KRT73: variants seen among roughly 807,000 people sequenced by gnomAD.
KRT73 encodes keratin, type II cytoskeletal 73.
Under a neutral mutation model 47.2 loss-of-function variants are expected in KRT73, and 44 were observed. That is an observed-to-expected ratio of 0.93 (90% CI 0.73 to 1.20). KRT73 has a LOEUF of 1.20. KRT73 is among the 50% of genes most tolerant of loss of function. The pLI is 0.00. For missense variants in KRT73, 713 were observed against 704.5 expected, an observed-to-expected ratio of 1.01 and a Z score of -0.14; for synonymous variants, 285 against 291.3, an observed-to-expected ratio of 0.98 and a Z score of 0.22.
chr12:52,628,376 A>G, the KRT73 span, among the ~76,000 whole-genome samples: 1 of 144,738 alleles, frequency 6.9e-6, no homozygotes, highest in African/African-American at 2.5e-5. Context: ...TCACCCTCCC[A>G]GTCCCCATAG....
At chr12:52,619,170 G>A (rs868190197), upstream of KRT73, among the ~76,000 whole-genome samples, 64 of 152,222 alleles carry the variant, frequency 4.2e-4, 1 homozygote, top group African/African-American at 1.5e-3. Flanking sequence ...GGGCTGCCCT[G>A]CTCACCTTCC....
chr12:52,629,723 C>G, the KRT73 span, among the ~76,000 whole-genome samples: 2 of 152,336 alleles, frequency 1.3e-5, no homozygotes, highest in South Asian at 4.1e-4. Flanking sequence ...AGTAGATCCT[C>G]TCACGGGGCT....
At chr12:52,629,807 A>C in the KRT73 span, among the ~76,000 whole-genome samples, 2 of 152,212 alleles carry the variant, frequency 1.3e-5, no homozygotes, top group Admixed American at 6.5e-5. Flanking sequence ...TCAGCTGGGA[A>C]TCGCATCAAC....
chr12:52,620,109 C>CTTT (rs10638831), upstream of KRT73, among the ~76,000 whole-genome samples: 3,570 of 94,358 alleles, frequency 0.038, 237 homozygotes, highest in Admixed American at 0.1. Flanking sequence ...TCCTTTTTTT[C>CTTT]TTTTTTTTTT....
the KRT73 span, among the ~76,000 whole-genome samples, chr12:52,628,090 T>TA: frequency 0.71 from 108,323 of 151,932 alleles, 38,843 homozygotes; most frequent in African/African-American, 0.78. Flanking sequence ...GGCAACCCTT[T>TA]AAACAAAACA....
At chr12:52,613,028 A>T (rs1176413306) in intron 5 of KRT73, among the ~76,000 whole-genome samples, 1 of 152,166 alleles carries the variant, frequency 6.6e-6, no homozygotes, top group Admixed American at 6.5e-5. Context: ...AGACCTTGAA[A>T]GCCTCTCTCC....
chr12:52,616,281 G>A lies in KRT73; in HGVS notation c.547C>T (p.Leu183Phe). The A allele has an allele frequency of 6.2e-7, 1 of 1,614,200 alleles. No homozygotes were observed. The highest frequency in any genetic ancestry group is 8.5e-7 in the Non-Finnish European group (1 of 1,180,040). The change falls in exon 2 of 9, where the codon CTT (leucine) becomes TTT (phenylalanine). Residue 183 changes from leucine (L) to phenylalanine (F), a missense_variant. By Grantham distance (22) the Leu-to-Phe change is conservative. Transcript: ENST00000305748. ...NNCKNNLEPI[L>F]EGYISNLRKQ... ...CGCAGGTTGCTGATGTAGCCCTCAA[G>A]GATGGGCTCCAGGTTATTCTTGCAG...
intron 7 of KRT73, 60 bp downstream of exon 7, chr12:52,610,555 A>ACCCCCCCCCCCC: frequency 4.0e-6 from 1 of 247,316 alleles, no homozygotes; most frequent in Non-Finnish European, 7.9e-6. Context: ...CCCCAACCAC[A>ACCCCCCCCCCCC]CTCTGGGAAA....
At chr12:52,609,544 G>A (rs11609767) in intron 7 of KRT73, among the ~76,000 whole-genome samples, 28,021 of 152,128 alleles carry the variant, frequency 0.18, 2,749 homozygotes, top group Non-Finnish European at 0.23. Flanking sequence ...CTCCTGCAGG[G>A]TTTCTCTTGA....
intron 3 of KRT73, 159 bp from the exon 4 acceptor site, chr12:52,614,833 T>G (rs1308555973): frequency 1.7e-6 from 1 of 596,790 alleles, no homozygotes; most frequent in Non-Finnish European, 2.9e-6. Context: ...ACTGTCAGAC[T>G]CACTGCGAAA....
At chr12:52,623,741 C>T in the KRT73 span, among the ~76,000 whole-genome samples, 29 of 151,958 alleles carry the variant, frequency 1.9e-4, no homozygotes, top group East Asian at 4.0e-3. Context: ...GATTCTTCAA[C>T]TGATAAAATA....
the KRT73 span, among the ~76,000 whole-genome samples, chr12:52,630,433 G>T: frequency 6.6e-6 from 1 of 152,110 alleles, no homozygotes; most frequent in Non-Finnish European, 1.5e-5. Flanking sequence ...ATCTCCGATG[G>T]CTACCTTGCC....
At chr12:52,616,077 A>T in intron 2 of KRT73, 89 bp downstream of exon 2, 1 of 1,505,580 alleles carries the variant, frequency 6.6e-7, no homozygotes, top group East Asian at 2.3e-5. Context: ...TGAACCCAAT[A>T]CCTCCAAGGC....
Position 52,615,343 on chromosome 12 carries a change from C to T in KRT73, c.663-4G>A, listed in dbSNP as rs1364682802. 5.0e-6 allele frequency: 8 copies of T among 1,613,418 alleles called. No individual in the cohort carries two copies. The highest frequency in any genetic ancestry group is 5.9e-6 in the Non-Finnish European group (7 of 1,179,412). ...CTTGTTTATTTCTTCTTCATACCTG[C>T]AGGGAAAGCATCACAGGAAGCAGAG... On this transcript the variant is annotated splice_polypyrimidine_tract_variant and splice_region_variant and intron_variant, in intron 2 of 8. Transcript: ENST00000305748.
chr12:52,621,717 C>T (rs187993121), upstream of KRT73, among the ~76,000 whole-genome samples: 122 of 152,276 alleles, frequency 8.0e-4, no homozygotes, highest in African/African-American at 2.7e-3. Context: ...TCTCAACACA[C>T]AGAAAATACT....
intron 6 of KRT73, 128 bp downstream of exon 6, chr12:52,611,076 T>A: frequency 8.2e-7 from 1 of 1,223,418 alleles, no homozygotes. Context: ...GGGTGAGGGA[T>A]GAGAGCAGGA....
rs545735975 is a variant in KRT73, at chr12:52,613,715, G to T, written c.957C>A (p.Ala319=). The change falls in exon 5 of 9, where the codon GCC becomes GCA. Residue 319 remains alanine (A), a synonymous_variant. Coordinates refer to ENST00000305748, the MANE Select transcript of KRT73 (RefSeq NM_175068.3). The part of the protein sequence containing the change: ...QYEEIARKSK[A]EAEALYQTKF... ...TGGTCTGGTACAGGGCCTCGGCCTC[G>T]GCCTTGCTCTTCCGGGCGATCTCCT... The T allele has an allele frequency of 2.5e-6, 4 of 1,614,120 alleles. No individual in the cohort carries two copies. The highest frequency in any genetic ancestry group is 1.3e-5 in the African/African-American group (1 of 75,042).
chr12:52,611,720 C>T (rs1032245124), intron 5 of KRT73, among the ~76,000 whole-genome samples: 4 of 152,282 alleles, frequency 2.6e-5, no homozygotes, highest in South Asian at 2.1e-4. Flanking sequence ...CTCCCAAGCT[C>T]GGCCAAACAG....
the KRT73 span, among the ~76,000 whole-genome samples, chr12:52,626,187 A>G: frequency 6.6e-6 from 1 of 152,238 alleles, no homozygotes; most frequent in South Asian, 2.1e-4. Flanking sequence ...TACTGTTCTG[A>G]GCACACTAAT....
Sources: gnomAD v4.1 joint callset for allele counts (sites outside exome capture counted in the v4.1 genomes callset) on GRCh38, gnomAD v4.1.1 for gene constraint, MANE v1.5 for transcripts, NCBI Gene and HGNC (gene_info 2026-07-23, HGNC 2026-07-21) for gene names.